Variants in PCM1 observed in about 807,000 individuals in gnomAD.
PCM1 encodes the protein pericentriolar material 1, also known as pericentriolar material 1 protein.
PCM1 carries 157 observed loss-of-function variants against 241.9 expected under a neutral mutation model. The ratio of observed to expected loss-of-function variants is 0.65; its 90% CI spans 0.57 to 0.74. PCM1 has a LOEUF of 0.74. Among genes scored for constraint, PCM1 ranks in the 30% least tolerant of loss-of-function variants. PCM1 has a pLI of 0.00. For missense variants in PCM1, 3,478 were observed against 2,360.1 expected (o/e 1.47, Z -9.81); for synonymous variants, 1,085 against 784.9 (o/e 1.38, Z -6.39).
intron 24 of PCM1, among the ~76,000 whole-genome samples, chr8:17,981,736 T>A (rs188222666): frequency 5.6e-4 from 86 of 152,306 alleles, no homozygotes; most frequent in Non-Finnish European, 1.1e-3. Context: ...TTTATTTCCA[T>A]TTTTCGGAGG....
intron 36 of PCM1, among the ~76,000 whole-genome samples, chr8:18,021,898 C>T (rs145515843): frequency 2.2e-4 from 33 of 152,280 alleles, no homozygotes; most frequent in African/African-American, 7.5e-4. Flanking sequence ...ACTCAATACT[C>T]TAAGACCTTA....
Position 17,953,187 on chromosome 8 carries a change from G to T in PCM1, c.1288+1G>T. 6.6e-7 allele frequency: 1 copy of T among 1,515,976 alleles called. No homozygotes were observed. Among genetic ancestry groups the T allele is most frequent in the South Asian group, 1.2e-5 (1 of 84,042 alleles). The allele number at this position is 1,515,976 out of a possible 1,614,324, so 93.9% of individuals were successfully genotyped here. On this transcript the variant is annotated splice_donor_variant, in intron 9 of 38. Coordinates refer to ENST00000325083, the MANE Select transcript of PCM1 (RefSeq NM_006197.4). LOFTEE classifies it high-confidence loss of function. ...GATCAGCATCTTAACAATTCATCAT[G>T]TGAGTAAATCTGGTTCAGCAGTATT...
chr8:18,027,048 A>C (rs970679923), intron 38 of PCM1, among the ~76,000 whole-genome samples: 1 of 152,210 alleles, frequency 6.6e-6, no homozygotes, highest in Non-Finnish European at 1.5e-5. Context: ...ATCAGGATCA[A>C]AGGGTTTTCT....
chr8:18,017,585 G>C (rs1450041982), intron 36 of PCM1, among the ~76,000 whole-genome samples: 1 of 152,208 alleles, frequency 6.6e-6, no homozygotes, highest in Admixed American at 6.5e-5. Context: ...CAGGCATGGT[G>C]GTTCATGCCT....
At chr8:18,024,500 A>G (rs367756794) in intron 36 of PCM1, among the ~76,000 whole-genome samples, 14 of 152,310 alleles carry the variant, frequency 9.2e-5, no homozygotes, top group African/African-American at 3.1e-4. Flanking sequence ...TACGAGTACA[A>G]TTATACATTT....
intron 6 of PCM1, among the ~76,000 whole-genome samples, chr8:17,941,638 T>G (rs1025356819): frequency 6.6e-6 from 1 of 152,134 alleles, no homozygotes; most frequent in African/African-American, 2.4e-5. Context: ...GCTACACTAT[T>G]TAATAAAGGA....
chr8:18,008,271 A>G (rs2091863036), intron 30 of PCM1, among the ~76,000 whole-genome samples: 1 of 151,926 alleles, frequency 6.6e-6, no homozygotes, highest in Non-Finnish European at 1.5e-5. Context: ...CCTACTGTGA[A>G]CTGCACGTGT....
intron 8 of PCM1, among the ~76,000 whole-genome samples, chr8:17,951,875 TTA>T (rs1475673140): frequency 6.6e-6 from 1 of 152,144 alleles, no homozygotes; most frequent in Non-Finnish European, 1.5e-5. Context: ...GAGATATTCA[TTA>T]TATGATTTCC....
chr8:17,986,312 T>C (rs2082575342), intron 26 of PCM1: 1 of 301,722 alleles, frequency 3.3e-6, no homozygotes, highest in African/African-American at 2.2e-5. Context: ...GATTATGAGG[T>C]CTGAGATAGC....
At chr8:17,944,958 A>G (rs2063309713) in intron 6 of PCM1, among the ~76,000 whole-genome samples, 1 of 152,172 alleles carries the variant, frequency 6.6e-6, no homozygotes, top group Admixed American at 6.5e-5. Context: ...AGAACTTTTT[A>G]GAAAGTACGC....
intron 23 of PCM1, among the ~76,000 whole-genome samples, chr8:17,978,099 C>G (rs1037936234): frequency 3.3e-5 from 5 of 151,606 alleles, no homozygotes. Flanking sequence ...TTCTTTAGAG[C>G]TAGAAAAAAA....
intron 17 of PCM1, 22 bp downstream of exon 17, chr8:17,963,313 C>T (rs1014464023): frequency 1.3e-6 from 2 of 1,551,192 alleles, no homozygotes; most frequent in Non-Finnish European, 1.7e-6. Flanking sequence ...GCATAAATCA[C>T]TTTTCTAAAA....
In PCM1 at chr8:17,947,424, G is replaced by C. The variant is rs559519363; in HGVS notation, c.961+61G>C. Reference sequence around the variant, plus strand: ...AAGACTCATACATAATTGTATTGCAGGGTGGATGCTGATTATTACATAATC... The same window carrying C: ...AAGACTCATACATAATTGTATTGCACGGTGGATGCTGATTATTACATAATC... On this transcript the variant is annotated intron_variant, in intron 7 of 38. Transcript: ENST00000325083. 3.4e-6 allele frequency: 4 copies of C among 1,178,956 alleles called. No individual in the cohort carries two copies. In the East Asian group the frequency reaches 9.6e-5, roughly 28 times the overall value. 73.0% of individuals were successfully genotyped at this position (1,178,956 alleles called of 1,614,324 possible).
At chr8:17,931,143 G>A in intron 2 of PCM1, among the ~76,000 whole-genome samples, 1 of 152,258 alleles carries the variant, frequency 6.6e-6, no homozygotes, top group South Asian at 2.1e-4. Flanking sequence ...ACTAATTAGA[G>A]TGTACAGTTT....
intron 34 of PCM1, 186 bp from the exon 35 acceptor site, chr8:18,013,778 A>G: frequency 1.9e-6 from 1 of 535,090 alleles, no homozygotes; most frequent in Non-Finnish European, 3.3e-6. Context: ...GGCAACAAGG[A>G]AACCCTTTAA....
At chr8:17,939,570 A>G (rs1279320176) in intron 5 of PCM1, 121 bp from the exon 6 acceptor site, 3 of 494,370 alleles carry the variant, frequency 6.1e-6, no homozygotes, top group Non-Finnish European at 6.9e-6. Context: ...ACAATAATCC[A>G]AGTGTCTTTG....
intron 18 of PCM1, among the ~76,000 whole-genome samples, chr8:17,965,604 C>T (rs2074542409): frequency 6.6e-6 from 1 of 152,152 alleles, no homozygotes; most frequent in East Asian, 1.9e-4. Context: ...TACATTGTTA[C>T]TAATAATTAT....
intron 26 of PCM1, among the ~76,000 whole-genome samples, chr8:17,986,715 T>G (rs2082728126): frequency 6.6e-6 from 1 of 151,774 alleles, no homozygotes; most frequent in South Asian, 2.1e-4. Context: ...GTGCTAGGTG[T>G]TTGGGAATCA....
At chr8:17,988,118 T>G (rs1260553149) in intron 26 of PCM1, among the ~76,000 whole-genome samples, 4 of 151,712 alleles carry the variant, frequency 2.6e-5, no homozygotes, top group African/African-American at 9.7e-5. Flanking sequence ...AAAACACACT[T>G]TGTGTCTCCT....
Sources: gnomAD v4.1 joint callset for allele counts (sites outside exome capture counted in the v4.1 genomes callset) on GRCh38, gnomAD v4.1.1 for gene constraint, MANE v1.5 for transcripts, NCBI Gene and HGNC (gene_info 2026-07-23, HGNC 2026-07-21) for gene names.